Variants in MYH9 observed in about 807,000 individuals in gnomAD.
The protein encoded by MYH9 is myosin-9.
In MYH9, 29 loss-of-function variants were observed where a neutral mutation model predicts 241.9. The ratio of observed to expected loss-of-function variants is 0.12; its 90% CI spans 0.09 to 0.16. MYH9 has a LOEUF of 0.16. Ranked by LOEUF, MYH9 falls within the 10% of genes least tolerant of loss-of-function variation. The pLI, the probability that MYH9 is intolerant of heterozygous loss-of-function variation, is 1.00. For synonymous variants in MYH9, 1,047 were observed against 1,062.6 expected, an observed-to-expected ratio of 0.99 and a Z score of 0.29; for missense variants, 1,803 against 2,595.5, an observed-to-expected ratio of 0.69 and a Z score of 6.63.
intron 1 of MYH9, among the ~76,000 whole-genome samples, chr22:36,355,743 C>A (rs907669976): frequency 6.6e-6 from 1 of 152,316 alleles, no homozygotes; most frequent in Non-Finnish European, 1.5e-5. Flanking sequence ...AACCTAGGGT[C>A]AGACTCAGCC....
rs990084188 is a variant in MYH9 at position 36,351,989 on chromosome 22, T to A, written c.-19-2734A>T. ...ACCATCCTGGGAAAGAGCTGTCTCATCATCCCCAATTCATAAACTAGGAAA... is the reference window on the plus strand; with the variant it reads ...ACCATCCTGGGAAAGAGCTGTCTCAACATCCCCAATTCATAAACTAGGAAA... On this transcript the variant is annotated intron_variant, in intron 1 of 40. Transcript: ENST00000216181. Among the ~76,000 whole-genome samples the A allele has an allele frequency of 3.3e-5, 5 of 152,064 alleles. No homozygotes were observed. In the East Asian group the frequency reaches 5.8e-4, roughly 18 times the overall value.
intron 1 of MYH9, chr22:36,364,929 A>G (rs894107819): frequency 3.3e-5 from 5 of 152,172 alleles, no homozygotes; most frequent in African/African-American, 1.2e-4. Flanking sequence ...AATGGAGCTG[A>G]TCCCAGCTAC....
intron 2 of MYH9, among the ~76,000 whole-genome samples, chr22:36,348,520 A>AAATT (rs1161889914): frequency 6.3e-5 from 9 of 142,768 alleles, no homozygotes; most frequent in South Asian, 4.2e-4. Flanking sequence ...AAAAAAAAAA[A>AAATT]AAATTAAATT....
chr22:36,291,559 C>T (rs988275167), intron 31 of MYH9, among the ~76,000 whole-genome samples: 2 of 152,036 alleles, frequency 1.3e-5, no homozygotes, highest in African/African-American at 4.8e-5. Flanking sequence ...AAAGGGTCCT[C>T]TGCCTAGGAA....
rs75074150 is a variant in MYH9 at position 36,338,491 on chromosome 22, A to G, written c.490+2879T>C. ...AACAATACAAGTTTCCCGTGCTCAC[A>G]AATGTATTTCCTATCCCTGGTCTCC... On this transcript the variant is annotated intron_variant, in intron 3 of 40. Transcript: ENST00000216181. Among the ~76,000 whole-genome samples, 20 of 152,250 alleles carry G rather than the reference A, an allele frequency of 1.3e-4. No homozygotes were observed. In the East Asian group the frequency reaches 3.9e-3, roughly 29 times the overall value.
chr22:36,301,408 G>A, intron 21 of MYH9, 126 bp downstream of exon 21: 3 of 1,310,706 alleles, frequency 2.3e-6, no homozygotes, highest in Non-Finnish European at 3.2e-6. Flanking sequence ...TACAGTAATA[G>A]GAAACTCAGT....
chr22:36,320,743 G>A lies in MYH9; in HGVS notation c.868+55C>T. ...AAATGATGTCTACGGTCCAATTCTGGCAAGAGGCCCAGAGCCCGGCAGCCC... is the reference window on the plus strand; with the variant it reads ...AAATGATGTCTACGGTCCAATTCTGACAAGAGGCCCAGAGCCCGGCAGCCC... On this transcript the variant is annotated intron_variant, in intron 8 of 40. Coordinates refer to ENST00000216181, the MANE Select transcript of MYH9 (RefSeq NM_002473.6). The surrounding 1 kb of genome is among the most constrained non-coding windows in gnomAD (Gnocchi z 4.8). 3 of 1,468,594 alleles carry A rather than the reference G, an allele frequency of 2.0e-6. No homozygotes were observed. Among genetic ancestry groups the A allele is most frequent in the African/African-American group, 1.4e-5 (1 of 72,078 alleles). The allele number at this position is 1,468,594 out of a possible 1,614,324, so 91.0% of individuals were successfully genotyped here. A position where few individuals can be genotyped will look rare whatever the true frequency, so the allele number is the denominator to read the frequency against.
At chr22:36,307,640 C>A (rs1467370257) in intron 15 of MYH9, among the ~76,000 whole-genome samples, 1 of 152,194 alleles carries the variant, frequency 6.6e-6, no homozygotes, top group Non-Finnish European at 1.5e-5. Flanking sequence ...GTAATCCCAG[C>A]ACTTTGGGAG....
intron 1 of MYH9, among the ~76,000 whole-genome samples, chr22:36,384,446 G>A (rs2018307809): frequency 6.7e-6 from 1 of 149,234 alleles, no homozygotes; most frequent in South Asian, 2.1e-4. Flanking sequence ...AGTGGGGTGT[G>A]GTGGTGGGCA....
At chr22:36,322,544 G>T in intron 5 of MYH9, 23 bp from the exon 6 acceptor site, 1 of 1,612,584 alleles carries the variant, frequency 6.2e-7, no homozygotes. Flanking sequence ...CAGGGACGCA[G>T]TGAAGGCCGG....
intron 40 of MYH9, among the ~76,000 whole-genome samples, chr22:36,283,513 G>A (rs2016526356): frequency 6.7e-6 from 1 of 149,688 alleles, no homozygotes; most frequent in Non-Finnish European, 1.5e-5. Flanking sequence ...CTCCAGTCTG[G>A]GCAACAAGAG....
In MYH9 at chr22:36,296,111, A is replaced by G. The variant is rs557964769; in HGVS notation, c.3273-394T>C. On this transcript the variant is annotated intron_variant, in intron 25 of 40. Transcript: ENST00000216181. ...GGTCAACGTAGGTTCACCAATTAGA[A>G]CAGACACAGCACTGTGGTAGGGGAT... Among the ~76,000 whole-genome samples, 28 of 152,338 alleles carry G rather than the reference A, an allele frequency of 1.8e-4. No individual in the cohort carries two copies. The South Asian group carries it at 5.6e-3, about 30-fold the overall frequency.
chr22:36,367,958 G>C (rs739098), intron 1 of MYH9, among the ~76,000 whole-genome samples: 52,017 of 152,094 alleles, frequency 0.34, 11,596 homozygotes, highest in Non-Finnish European at 0.5. Flanking sequence ...CAGAGGTGCA[G>C]AGACATGCAC....
At chr22:36,387,649 C>T (rs1392192203) in intron 1 of MYH9, among the ~76,000 whole-genome samples, 158 bp downstream of exon 1, 4 of 151,470 alleles carry the variant, frequency 2.6e-5, no homozygotes, top group African/African-American at 7.2e-5. Flanking sequence ...GGGAAGGATG[C>T]GGTGCCGGGC....
chr22:36,332,677 A>C (rs1029305016), intron 3 of MYH9, among the ~76,000 whole-genome samples: 2 of 151,020 alleles, frequency 1.3e-5, no homozygotes, highest in Admixed American at 6.6e-5. Flanking sequence ...AAAAAAAAAA[A>C]AAAAAAAAAA....
intron 3 of MYH9, among the ~76,000 whole-genome samples, chr22:36,336,606 A>C (rs2017503504): frequency 6.6e-6 from 1 of 152,222 alleles, no homozygotes. Flanking sequence ...ATGACAACGA[A>C]TTAACAACAT....
chr22:36,322,572 C>T (rs374083659), intron 5 of MYH9, 51 bp from the exon 6 acceptor site: 26 of 1,565,874 alleles, frequency 1.7e-5, no homozygotes, highest in Admixed American at 5.0e-5. Flanking sequence ...CCTGGGCTGC[C>T]GAGCCTGCCC....
At position 36,294,949 on chromosome 22, in the gene MYH9, G is replaced by T. The variant is rs998865732; in HGVS notation, c.3613C>A (p.Leu1205Met). Residue 1205 changes from leucine (L) to methionine (M), a missense_variant, in exon 27 of 41, where the codon CTG (leucine) becomes ATG (methionine). Leu to Met is a conservative substitution (Grantham distance 15). Transcript: ENST00000216181. Reference sequence around the variant, plus strand: ...CTCCGCACCCGCTTCGTCTGCTCCAGCTGCTCCGCCAGCTCCTCCACGGCC... The same window carrying T: ...CTCCGCACCCGCTTCGTCTGCTCCATCTGCTCCGCCAGCTCCTCCACGGCC... ...SQAVEELAEQ[L>M]EQTKRVKANL... is the part of the protein sequence containing the mutation. 1 of 1,613,660 alleles carries T rather than the reference G, an allele frequency of 6.2e-7. No individual in the cohort carries two copies. Among genetic ancestry groups the T allele is most frequent in the Non-Finnish European group, 8.5e-7 (1 of 1,180,030 alleles).
At chr22:36,343,427 A>G (rs778098971) in intron 2 of MYH9, among the ~76,000 whole-genome samples, 20 of 152,066 alleles carry the variant, frequency 1.3e-4, no homozygotes, top group Non-Finnish European at 2.8e-4. Context: ...ATGCACCTGT[A>G]GTCCCAGCTA....
Sources: gnomAD v4.1 joint callset for allele counts (sites outside exome capture counted in the v4.1 genomes callset) on GRCh38, gnomAD v4.1.1 for gene constraint, Gnocchi (gnomAD v3.1) non-coding constraint, MANE v1.5 for transcripts, NCBI Gene and HGNC (gene_info 2026-07-23, HGNC 2026-07-21) for gene names.